CALCRL: variants seen among roughly 807,000 people sequenced by gnomAD.
The protein encoded by CALCRL is calcitonin gene-related peptide type 1 receptor.
A neutral mutation model predicts 60.4 loss-of-function variants in CALCRL; 27 were observed. That is an observed-to-expected ratio of 0.45 (90% CI 0.33 to 0.62). The LOEUF (loss-of-function observed/expected upper bound fraction) is 0.62, where lower values mean the gene tolerates loss of function less well. Ranked by LOEUF, CALCRL falls within the 20% of genes least tolerant of loss-of-function variation. The pLI is 0.03. For synonymous variants in CALCRL, 190 were observed against 182.6 expected, an observed-to-expected ratio of 1.04 and a Z score of -0.33; for missense variants, 424 against 540.7, an observed-to-expected ratio of 0.78 and a Z score of 2.14.
chr2:187,358,150 A>G (rs1686880318), intron 12 of CALCRL, among the ~76,000 whole-genome samples: 2 of 152,104 alleles, frequency 1.3e-5, no homozygotes, highest in African/African-American at 4.8e-5. Context: ...CAAGAGTTCA[A>G]GACCAGCCTG....
chr2:187,388,233 C>T (rs1415472195), intron 1 of CALCRL, among the ~76,000 whole-genome samples: 4 of 151,768 alleles, frequency 2.6e-5, no homozygotes, highest in African/African-American at 9.7e-5. Context: ...TTTTAATCTT[C>T]TCAGTGGAGC....
intron 1 of CALCRL, among the ~76,000 whole-genome samples, chr2:187,431,594 A>G (rs1690407803): frequency 6.6e-6 from 1 of 152,090 alleles, no homozygotes; most frequent in Non-Finnish European, 1.5e-5. Flanking sequence ...TCTTGGCATC[A>G]TATGTCCTAA....
At chr2:187,415,609 G>A (rs1362663936) in intron 1 of CALCRL, 4 of 589,034 alleles carry the variant, frequency 6.8e-6, no homozygotes, top group Non-Finnish European at 9.5e-6. Flanking sequence ...CAATTATGAT[G>A]ACGTCAAGAA....
intron 1 of CALCRL, among the ~76,000 whole-genome samples, chr2:187,417,777 A>T (rs1689680743): frequency 6.6e-6 from 1 of 152,260 alleles, no homozygotes; most frequent in East Asian, 1.9e-4. Context: ...TTTATATTGA[A>T]ATAATTGTAT....
intron 1 of CALCRL, among the ~76,000 whole-genome samples, chr2:187,437,333 G>T (rs1319298474): frequency 6.6e-6 from 1 of 152,148 alleles, no homozygotes; most frequent in Non-Finnish European, 1.5e-5. Context: ...ACGAGATCAG[G>T]AAATCAAGAC....
intron 8 of CALCRL, among the ~76,000 whole-genome samples, chr2:187,373,251 C>A (rs1253683605): frequency 6.6e-6 from 1 of 152,036 alleles, no homozygotes; most frequent in African/African-American, 2.4e-5. Context: ...AAATTATTTT[C>A]GTTAATTCTA....
intron 1 of CALCRL, chr2:187,442,145 C>T (rs532185894): frequency 1.4e-5 from 2 of 147,460 alleles, no homozygotes; most frequent in Non-Finnish European, 3.0e-5. Context: ...TACACACACA[C>T]ATACATACAC....
Position 187,346,127 on chromosome 2 carries a change from G to T in CALCRL, c.*57C>A. ...AAGTCTTCTGGCTACAGAGTCATGG[G>T]TCCAAGTCCTTGAGTTAGGAGAAGC... On this transcript the variant is annotated 3_prime_UTR_variant, in exon 15 of 15. Transcript: ENST00000392370. 9.1e-7 allele frequency: 1 copy of T among 1,104,436 alleles called. No homozygotes were observed. The highest frequency in any genetic ancestry group is 1.6e-5 in the African/African-American group (1 of 63,674). The allele number at this position is 1,104,436 out of a possible 1,614,324, so 68.4% of individuals were successfully genotyped here.
chr2:187,417,240 A>C (rs1689652763), intron 1 of CALCRL, among the ~76,000 whole-genome samples: 1 of 152,044 alleles, frequency 6.6e-6, no homozygotes, highest in Non-Finnish European at 1.5e-5. Flanking sequence ...TAGCATAGTT[A>C]ACAACTACAA....
intron 1 of CALCRL, among the ~76,000 whole-genome samples, chr2:187,417,155 A>T (rs2105863025): frequency 6.6e-6 from 1 of 152,240 alleles, no homozygotes; most frequent in African/African-American, 2.4e-5. Flanking sequence ...TTTAAAATGT[A>T]TTCCCAAGAC....
At chr2:187,372,359 A>G (rs1687566830) in intron 8 of CALCRL, among the ~76,000 whole-genome samples, 1 of 151,802 alleles carries the variant, frequency 6.6e-6, no homozygotes, top group Non-Finnish European at 1.5e-5. Context: ...TGTTTTTCCA[A>G]GAATCATTAC....
intron 12 of CALCRL, among the ~76,000 whole-genome samples, chr2:187,352,839 T>C (rs1209561922): frequency 1.3e-5 from 2 of 151,932 alleles, no homozygotes; most frequent in African/African-American, 4.8e-5. Context: ...ACAATAATCT[T>C]TACAACACCT....
intron 12 of CALCRL, among the ~76,000 whole-genome samples, chr2:187,357,901 G>A (rs1686869840): frequency 6.6e-6 from 1 of 151,016 alleles, no homozygotes; most frequent in African/African-American, 2.4e-5. Context: ...TAACAAACCT[G>A]CACGTTCTGC....
chr2:187,357,145 A>T (rs1034436893), intron 12 of CALCRL, among the ~76,000 whole-genome samples: 32 of 152,144 alleles, frequency 2.1e-4, no homozygotes, highest in Non-Finnish European at 4.3e-4. Flanking sequence ...CAGCAATCCC[A>T]TTACTGGGTA....
chr2:187,434,040 A>C (rs975333484), intron 1 of CALCRL, among the ~76,000 whole-genome samples: 2 of 152,134 alleles, frequency 1.3e-5, no homozygotes, highest in Admixed American at 1.3e-4. Flanking sequence ...ACACACCCTG[A>C]ATAGAATTAT....
chr2:187,396,263 T>C (rs1251355493), intron 1 of CALCRL, among the ~76,000 whole-genome samples: 1 of 151,880 alleles, frequency 6.6e-6, no homozygotes, highest in Non-Finnish European at 1.5e-5. Flanking sequence ...TTCTTACTTT[T>C]GAAAGGCCAT....
intron 9 of CALCRL, among the ~76,000 whole-genome samples, chr2:187,361,332 T>A (rs752874834): frequency 1.3e-5 from 2 of 151,932 alleles, no homozygotes; most frequent in Admixed American, 1.3e-4. Context: ...TCCTGAGGTC[T>A]CCATTTTTGC....
intron 14 of CALCRL, among the ~76,000 whole-genome samples, chr2:187,347,900 A>G (rs1399944018): frequency 6.6e-6 from 1 of 151,840 alleles, no homozygotes; most frequent in Non-Finnish European, 1.5e-5. Context: ...ACTCTACTAT[A>G]TAGTTCAAAA....
intron 12 of CALCRL, among the ~76,000 whole-genome samples, chr2:187,353,892 G>T (rs1025999094): frequency 5.3e-5 from 8 of 152,014 alleles, no homozygotes; most frequent in African/African-American, 1.9e-4. Context: ...TAAATGCAAA[G>T]TGCTTCTCCA....
Sources: allele counts gnomAD v4.1 joint callset (sites outside exome capture counted in the v4.1 genomes callset), GRCh38; gene constraint gnomAD v4.1.1; transcripts MANE v1.5; gene names NCBI Gene and HGNC (gene_info 2026-07-23, HGNC 2026-07-21).